ZNF277: variants seen among roughly 807,000 people sequenced by gnomAD.
ZNF277 encodes the protein nuclear receptor-interacting factor 4.
A neutral mutation model predicts 60.7 loss-of-function variants in ZNF277; 55 were observed. The ratio of observed to expected loss-of-function variants is 0.91; its 90% CI spans 0.73 to 1.13. The LOEUF (loss-of-function observed/expected upper bound fraction) is 1.13, where lower values mean the gene tolerates loss of function less well. ZNF277 is among the 50% of genes most tolerant of loss of function. The pLI is 0.00. For missense variants in ZNF277, 510 were observed against 523.0 expected, an observed-to-expected ratio of 0.98 and a Z score of 0.24; for synonymous variants, 178 against 179.3, an observed-to-expected ratio of 0.99 and a Z score of 0.06.
At chr7:112,215,449 T>C (rs1432891897) in intron 1 of ZNF277, among the ~76,000 whole-genome samples, 2 of 152,252 alleles carry the variant, frequency 1.3e-5, no homozygotes, top group African/African-American at 4.8e-5. Context: ...TGCTGGGCTC[T>C]ATATGGGATA....
chr7:112,226,458 A>G (rs995562847), intron 1 of ZNF277, among the ~76,000 whole-genome samples: 1 of 152,200 alleles, frequency 6.6e-6, no homozygotes, highest in Non-Finnish European at 1.5e-5. Context: ...GCACAATATG[A>G]GAACATTTAC....
intron 1 of ZNF277, among the ~76,000 whole-genome samples, chr7:112,213,029 G>A (rs890773636): frequency 2.0e-5 from 3 of 152,180 alleles, no homozygotes; most frequent in African/African-American, 7.2e-5. Context: ...GTTTGGCTGT[G>A]TCCCCACCCA....
chr7:112,325,556 C>T (rs953927219), intron 5 of ZNF277, among the ~76,000 whole-genome samples: 2 of 152,174 alleles, frequency 1.3e-5, no homozygotes, highest in Non-Finnish European at 2.9e-5. Flanking sequence ...TGTTAGCCCT[C>T]GTTCCCTCAC....
At chr7:112,228,952 A>G (rs1189326552) in intron 1 of ZNF277, among the ~76,000 whole-genome samples, 2 of 152,210 alleles carry the variant, frequency 1.3e-5, no homozygotes, top group South Asian at 2.1e-4. Context: ...TTGGTGAGGT[A>G]TGAAGTGTTT....
intron 1 of ZNF277, among the ~76,000 whole-genome samples, chr7:112,281,898 T>A (rs1250220621): frequency 6.6e-6 from 1 of 152,232 alleles, no homozygotes; most frequent in Non-Finnish European, 1.5e-5. Context: ...AATGGCATGA[T>A]GTTGGCTCAC....
At chr7:112,271,155 T>C (rs1033225990) in intron 1 of ZNF277, among the ~76,000 whole-genome samples, 5 of 152,292 alleles carry the variant, frequency 3.3e-5, no homozygotes, top group East Asian at 1.9e-4. Context: ...TTAATTGTTA[T>C]GAGTAATTTG....
At chr7:112,262,089 T>A (rs1288796691) in intron 1 of ZNF277, among the ~76,000 whole-genome samples, 1 of 152,060 alleles carries the variant, frequency 6.6e-6, no homozygotes, top group East Asian at 1.9e-4. Flanking sequence ...CTATTTTCTA[T>A]TTCTCTACAA....
intron 1 of ZNF277, among the ~76,000 whole-genome samples, chr7:112,250,179 T>C (rs1399735812): frequency 6.6e-6 from 1 of 152,108 alleles, no homozygotes; most frequent in East Asian, 1.9e-4. Flanking sequence ...TCTCAACTCT[T>C]ATGGTCGAGA....
chr7:112,223,302 A>C (rs1314192488), intron 1 of ZNF277, among the ~76,000 whole-genome samples: 1 of 152,068 alleles, frequency 6.6e-6, no homozygotes, highest in Non-Finnish European at 1.5e-5. Flanking sequence ...GGGGACTCAG[A>C]ATGGTGTGTC....
At position 112,228,132 on chromosome 7, in the gene ZNF277, C is replaced by T. The variant is rs114862174; in HGVS notation, c.91+21325C>T. Reference sequence around the variant, plus strand: ...GGTCTTGGCTTCTGGCAGCGTGACTCCAGTCTCTGCCTCCATCTTCACATG... The same window carrying T: ...GGTCTTGGCTTCTGGCAGCGTGACTTCAGTCTCTGCCTCCATCTTCACATG... On this transcript the variant is annotated intron_variant, in intron 1 of 11. Coordinates refer to ENST00000361822, the MANE Select transcript of ZNF277 (RefSeq NM_021994.3). Among the ~76,000 whole-genome samples the T allele has an allele frequency of 8.9e-3, 1,353 of 152,096 alleles. 14 individuals carry two copies. The highest frequency in any genetic ancestry group is 0.03 in the African/African-American group (1,250 of 41,494).
intron 1 of ZNF277, among the ~76,000 whole-genome samples, chr7:112,279,232 C>T (rs1272065193): frequency 1.3e-5 from 2 of 152,128 alleles, no homozygotes; most frequent in Non-Finnish European, 2.9e-5. Flanking sequence ...GTGGCTGGCT[C>T]ATATGATAGT....
At chr7:112,215,835 T>C (rs539095932) in intron 1 of ZNF277, among the ~76,000 whole-genome samples, 2 of 152,350 alleles carry the variant, frequency 1.3e-5, no homozygotes, top group South Asian at 4.1e-4. Flanking sequence ...GTTTTTTTAC[T>C]AGTAAAGATC....
At chr7:112,333,665 A>G (rs1793273088) in intron 7 of ZNF277, among the ~76,000 whole-genome samples, 1 of 152,236 alleles carries the variant, frequency 6.6e-6, no homozygotes, top group Admixed American at 6.5e-5. Context: ...TTCTGAGCTC[A>G]GCAAATTGAC....
chr7:112,321,303 C>T (rs980611723), intron 5 of ZNF277, among the ~76,000 whole-genome samples: 1 of 151,974 alleles, frequency 6.6e-6, no homozygotes, highest in African/African-American at 2.4e-5. Flanking sequence ...CAATTGAAAA[C>T]AATCTGTTTC....
rs1793471848 is a variant in ZNF277, at chr7:112,342,834, G to A, written c.*105G>A. The A allele has an allele frequency of 2.8e-5, 26 of 934,010 alleles. No individual in the cohort carries two copies. In the South Asian group the frequency reaches 8.5e-4, roughly 31 times the overall value. 57.9% of individuals were successfully genotyped at this position (934,010 alleles called of 1,614,324 possible). A position where few individuals can be genotyped will look rare whatever the true frequency, so the allele number is the denominator to read the frequency against. On this transcript the variant is annotated 3_prime_UTR_variant, in exon 12 of 12. Coordinates refer to ENST00000361822, the MANE Select transcript of ZNF277 (RefSeq NM_021994.3). ...AATTTAAATTTGAACATCAACAAAA[G>A]ATTGGTCCTTGGTGAAATAAACTTT...
intron 8 of ZNF277, among the ~76,000 whole-genome samples, chr7:112,337,228 A>C (rs1384967670): frequency 6.6e-6 from 1 of 152,170 alleles, no homozygotes; most frequent in Non-Finnish European, 1.5e-5. Flanking sequence ...TTCCCTGTCT[A>C]CCGCCAGATT....
intron 4 of ZNF277, among the ~76,000 whole-genome samples, chr7:112,306,276 G>A (rs527296329): frequency 3.4e-5 from 5 of 146,332 alleles, no homozygotes; most frequent in East Asian, 2.0e-4. Flanking sequence ...ATGCAATGGC[G>A]CAATTTCAGC....
intron 1 of ZNF277, among the ~76,000 whole-genome samples, chr7:112,251,471 G>A (rs1485096973): frequency 6.6e-6 from 1 of 152,198 alleles, no homozygotes; most frequent in African/African-American, 2.4e-5. Context: ...GTGTTACTCA[G>A]TCAAATGAAA....
chr7:112,208,673 G>GTT (rs1407981050), intron 1 of ZNF277, among the ~76,000 whole-genome samples: 9 of 56,814 alleles, frequency 1.6e-4, no homozygotes, highest in African/African-American at 2.3e-4. Context: ...TGTATGATTT[G>GTT]ATTTTTTTTT....
Sources: allele counts gnomAD v4.1 joint callset (sites outside exome capture counted in the v4.1 genomes callset), GRCh38; gene constraint gnomAD v4.1.1; transcripts MANE v1.5; gene names NCBI Gene and HGNC (gene_info 2026-07-23, HGNC 2026-07-21).